Variants in MMUT observed in about 807,000 individuals in gnomAD.
The protein encoded by MMUT is methylmalonyl-CoA mutase, also known as methylmalonyl-CoA mutase, mitochondrial.
In MMUT, 79 loss-of-function variants were observed where a neutral mutation model predicts 79.9. The ratio of observed to expected loss-of-function variants is 0.99; its 90% CI spans 0.82 to 1.19. The LOEUF is 1.19. Among genes scored for constraint, MMUT ranks in the 50% most tolerant of loss-of-function variants. MMUT has a pLI of 0.00. For missense variants in MMUT, 860 were observed against 917.2 expected (o/e 0.94, Z 0.81); for synonymous variants, 273 against 295.7 (o/e 0.92, Z 0.79).
At chr6:49,438,094 A>C (rs1767179851) in intron 11 of MMUT, among the ~76,000 whole-genome samples, 1 of 134,010 alleles carries the variant, frequency 7.5e-6, no homozygotes, top group South Asian at 2.4e-4. Context: ...TCTCTTTGTT[A>C]GGAGATTGTA....
intron 12 of MMUT, among the ~76,000 whole-genome samples, chr6:49,434,261 A>T (rs1017030069): frequency 2.0e-5 from 3 of 152,222 alleles, no homozygotes; most frequent in Non-Finnish European, 4.4e-5. Context: ...AAGCATATTA[A>T]CAAAAAGAAT....
intron 1 of MMUT, among the ~76,000 whole-genome samples, chr6:49,460,466 T>G (rs959467510): frequency 5.9e-5 from 9 of 152,164 alleles, no homozygotes; most frequent in Admixed American, 5.9e-4. Context: ...GCTCCAACAT[T>G]AGAGCTGCAT....
At chr6:49,455,446 T>C (rs1449248008) in intron 4 of MMUT, among the ~76,000 whole-genome samples, 1 of 152,170 alleles carries the variant, frequency 6.6e-6, no homozygotes, top group African/African-American at 2.4e-5. Flanking sequence ...AAATCCCTGG[T>C]ACAAAGGAGC....
intron 1 of MMUT, among the ~76,000 whole-genome samples, chr6:49,459,837 A>G (rs927827458): frequency 3.3e-5 from 5 of 152,206 alleles, no homozygotes; most frequent in Admixed American, 6.5e-5. Flanking sequence ...AATTTTTCAA[A>G]GACTCTGTAT....
intron 4 of MMUT, among the ~76,000 whole-genome samples, chr6:49,455,713 C>T (rs192940206): frequency 3.7e-3 from 558 of 152,024 alleles, no homozygotes; most frequent in African/African-American, 0.013. Flanking sequence ...CAAAACATTA[C>T]ATTAGATAGT....
chr6:49,453,978 T>C (rs1190639744), intron 4 of MMUT, among the ~76,000 whole-genome samples: 1 of 152,204 alleles, frequency 6.6e-6, no homozygotes, highest in Admixed American at 6.5e-5. Context: ...GTAAGAATTA[T>C]TCACTTTGTA....
chr6:49,461,118 T>C (rs1292871561), intron 1 of MMUT, among the ~76,000 whole-genome samples: 1 of 152,180 alleles, frequency 6.6e-6, no homozygotes, highest in African/African-American at 2.4e-5. Context: ...TATCAAAATA[T>C]GTTTAGAAAG....
intron 8 of MMUT, among the ~76,000 whole-genome samples, chr6:49,445,424 T>C (rs1767386520): frequency 6.6e-6 from 1 of 152,070 alleles, no homozygotes; most frequent in African/African-American, 2.4e-5. Context: ...AAGATGCCAC[T>C]AGTATTATAT....
At chr6:49,432,000 C>T in intron 12 of MMUT, 144 bp from the exon 13 acceptor site, 1 of 908,240 alleles carries the variant, frequency 1.1e-6, no homozygotes, top group South Asian at 1.5e-5. Context: ...AAAAATTCTT[C>T]CTTGATTGGG....
At chr6:49,443,690 C>T (rs940191493) in intron 9 of MMUT, 10 of 277,940 alleles carry the variant, frequency 3.6e-5, no homozygotes, top group African/African-American at 1.4e-4. Flanking sequence ...AAAATTAACA[C>T]ATTAAGTGCC....
chr6:49,441,620 GTATGA>G (rs1347831697), intron 10 of MMUT, among the ~76,000 whole-genome samples: 7 of 148,750 alleles, frequency 4.7e-5, no homozygotes, highest in South Asian at 2.1e-4. Flanking sequence ...TATGTATCAT[GTATGA>G]TATATTTCTA....
intron 1 of MMUT, among the ~76,000 whole-genome samples, chr6:49,462,251 T>C (rs1767870498): frequency 6.6e-6 from 1 of 152,134 alleles, no homozygotes; most frequent in Non-Finnish European, 1.5e-5. Context: ...TAAAGAGCAA[T>C]GATTAATCCC....
At chr6:49,460,822 C>T (rs1018156662) in intron 1 of MMUT, among the ~76,000 whole-genome samples, 1 of 152,172 alleles carries the variant, frequency 6.6e-6, no homozygotes, top group African/African-American at 2.4e-5. Flanking sequence ...CAATACTCAA[C>T]ACTTATTATG....
Position 49,431,306 on chromosome 6 carries a change from A to G in MMUT, c.*422T>C, listed in dbSNP as rs1424906615. The G allele has an allele frequency of 1.9e-5, 3 of 154,080 alleles. No individual in the cohort carries two copies. The highest frequency in any genetic ancestry group is 6.5e-5 in the Admixed American group (1 of 15,422). 9.5% of individuals were successfully genotyped at this position (154,080 alleles called of 1,614,324 possible). ...TTTTTCAAGATAGGTTTTTATTAATATATGGATTTTATTTTCTGGTGCTCA... is the reference window on the plus strand; with the variant it reads ...TTTTTCAAGATAGGTTTTTATTAATGTATGGATTTTATTTTCTGGTGCTCA... On this transcript the variant is annotated 3_prime_UTR_variant, in exon 13 of 13. Coordinates refer to ENST00000274813, the MANE Select transcript of MMUT (RefSeq NM_000255.4).
chr6:49,451,292 T>A lies in MMUT; in HGVS notation c.1332+174A>T, dbSNP rs571777883. ...TTTAAATGGATTGTTTTGAAAACTA[T>A]AAAATCAAATCTGAATTTTTTTTGC... On this transcript the variant is annotated intron_variant, in intron 6 of 12. Transcript: ENST00000274813. 1.3e-3 allele frequency among the ~76,000 whole-genome samples: 194 copies of A among 152,284 alleles called. 1 individual carries two copies. The highest frequency in any genetic ancestry group is 4.1e-3 in the African/African-American group (172 of 41,578).
In MMUT at chr6:49,441,817, G is replaced by A. The variant is rs999095573; in HGVS notation, c.1808+23C>T. The A allele has an allele frequency of 3.1e-6, 5 of 1,605,210 alleles. No homozygotes were observed. The African/African-American group carries it at 5.4e-5, about 17-fold the overall frequency. On this transcript the variant is annotated intron_variant, in intron 10 of 12. Transcript: ENST00000274813. ...TGCTAACAGAAAAGATGAAATTCTG[G>A]CCTAAGAAACCTTACATATTACCTC...
intron 6 of MMUT, among the ~76,000 whole-genome samples, chr6:49,449,874 A>C (rs1242026383): frequency 6.6e-6 from 1 of 152,204 alleles, no homozygotes; most frequent in African/African-American, 2.4e-5. Context: ...AAAAATAAGT[A>C]GAAATATAAA....
chr6:49,441,768 C>G, intron 10 of MMUT, 72 bp downstream of exon 10: 1 of 1,483,414 alleles, frequency 6.7e-7, no homozygotes. Context: ...GGAAATTAAG[C>G]TCCCAGTAGA....
At chr6:49,437,261 T>C (rs1231501317) in intron 11 of MMUT, among the ~76,000 whole-genome samples, 1 of 152,074 alleles carries the variant, frequency 6.6e-6, no homozygotes, top group Non-Finnish European at 1.5e-5. Flanking sequence ...AATAACTCAA[T>C]CCCTAATTTT....
Sources: gnomAD v4.1 joint callset for allele counts (sites outside exome capture counted in the v4.1 genomes callset) on GRCh38, gnomAD v4.1.1 for gene constraint, MANE v1.5 for transcripts, NCBI Gene and HGNC (gene_info 2026-07-23, HGNC 2026-07-21) for gene names.